ODF2L: variants seen among roughly 807,000 people sequenced by gnomAD.
ODF2L encodes the protein outer dense fiber of sperm tails 2 like.
In ODF2L, 76 loss-of-function variants were observed where a neutral mutation model predicts 86.3. That is an observed-to-expected ratio of 0.88 (90% CI 0.73 to 1.07). The LOEUF is 1.07. Ranked by LOEUF, ODF2L falls within the 50% of genes least tolerant of loss-of-function variation. The probability of loss-of-function intolerance (pLI) is 0.00; values close to 1 mark genes in which losing one functional copy is unlikely to be tolerated. For synonymous variants in ODF2L, 241 were observed against 231.3 expected (o/e 1.04, Z -0.38); for missense variants, 748 against 717.4 (o/e 1.04, Z -0.49).
intron 4 of ODF2L, among the ~76,000 whole-genome samples, chr1:86,384,295 T>G: frequency 6.6e-6 from 1 of 151,914 alleles, no homozygotes; most frequent in African/African-American, 2.4e-5. Flanking sequence ...TGAAAACCAC[T>G]GAATTTTATA....
intron 11 of ODF2L, among the ~76,000 whole-genome samples, chr1:86,364,582 G>A (rs985556135): frequency 4.6e-5 from 7 of 152,176 alleles, no homozygotes; most frequent in Admixed American, 3.9e-4. Context: ...CTAGGCAGGG[G>A]TCAAGTGCCT....
chr1:86,383,944 T>C (rs1302698889), intron 4 of ODF2L, among the ~76,000 whole-genome samples: 2 of 151,798 alleles, frequency 1.3e-5, no homozygotes, highest in Non-Finnish European at 1.5e-5. Flanking sequence ...ACACCACGTA[T>C]ATATGCACAC....
intron 1 of ODF2L, among the ~76,000 whole-genome samples, chr1:86,391,896 A>G (rs1661357579): frequency 6.6e-6 from 1 of 152,236 alleles, no homozygotes; most frequent in Admixed American, 6.5e-5. Context: ...AGGAATAGTC[A>G]GCAGACTAAA....
chr1:86,372,532 C>T, exon 9 of ODF2L: 1 of 1,496,376 alleles, frequency 6.7e-7, no homozygotes, highest in South Asian at 1.4e-5. Context: ...TTTCAGACAA[C>T]TTGGCTTCCT....
chr1:86,381,731 T>C (rs904043079), intron 7 of ODF2L, among the ~76,000 whole-genome samples: 1 of 152,146 alleles, frequency 6.6e-6, no homozygotes, highest in Non-Finnish European at 1.5e-5. Flanking sequence ...ATTATACTCC[T>C]ACAAAGTTGT....
intron 16 of ODF2L, among the ~76,000 whole-genome samples, chr1:86,354,194 T>G (rs1173776080): frequency 6.6e-6 from 1 of 152,244 alleles, no homozygotes; most frequent in Non-Finnish European, 1.5e-5. Context: ...ACTTGAACTT[T>G]ACAGCTCACT....
At chr1:86,382,320 T>C (rs1167014139) in exon 7 of ODF2L, 1 of 1,612,344 alleles carries the variant, frequency 6.2e-7, no homozygotes, top group Non-Finnish European at 8.5e-7. Flanking sequence ...GTACTACTTT[T>C]ACTGATTGGG....
At chr1:86,371,527 T>C (rs1476984121) in intron 9 of ODF2L, among the ~76,000 whole-genome samples, 1 of 152,120 alleles carries the variant, frequency 6.6e-6, no homozygotes, top group Non-Finnish European at 1.5e-5. Context: ...AAGAATTAAG[T>C]GAGGCAATAA....
In ODF2L at chr1:86,360,554, G is replaced by T; in HGVS notation, c.1144-18C>A. 8.6e-7 allele frequency: 1 copy of T among 1,156,248 alleles called. No homozygotes were observed. The highest frequency in any genetic ancestry group is 1.3e-5 in the South Asian group (1 of 75,280). 71.6% of individuals were successfully genotyped at this position (1,156,248 alleles called of 1,614,324 possible). The stretch of plus-strand genomic sequence containing the variant: ...AGTGTAGTCTAGCAAAAAAGATATA[G>T]ATTTTATAAGTCATTAGAATACATT... On this transcript the variant is annotated intron_variant, in intron 11 of 17. Coordinates refer to ENST00000317336, the Ensembl canonical transcript of ODF2L.
intron 7 of ODF2L, among the ~76,000 whole-genome samples, chr1:86,377,299 T>C (rs1357478686): frequency 6.6e-6 from 1 of 152,202 alleles, no homozygotes; most frequent in African/African-American, 2.4e-5. Context: ...TCCAGCCTTA[T>C]GGCCTGCAGG....
At chr1:86,394,840 C>CTT (rs33996151) in intron 1 of ODF2L, among the ~76,000 whole-genome samples, 74,891 of 129,028 alleles carry the variant, frequency 0.58, 22,622 homozygotes, top group Non-Finnish European at 0.66. Flanking sequence ...TTTCTTTTTC[C>CTT]TTTTTTTTTT....
At chr1:86,366,407 C>T (rs1055790830) in intron 11 of ODF2L, among the ~76,000 whole-genome samples, 100 of 137,218 alleles carry the variant, frequency 7.3e-4, no homozygotes, top group African/African-American at 2.9e-3. Context: ...CACACACACA[C>T]ACACACACAC....
chr1:86,382,793 C>A, intron 6 of ODF2L, 138 bp downstream of exon 6: 2 of 616,698 alleles, frequency 3.2e-6, no homozygotes, highest in Non-Finnish European at 2.9e-6. Flanking sequence ...TAGGTAAAAC[C>A]TGTAAAATAT....
chr1:86,349,820 C>T (rs1224828712), downstream of ODF2L: 1 of 152,118 alleles, frequency 6.6e-6, no homozygotes, highest in Non-Finnish European at 1.5e-5. Flanking sequence ...CATTCTGCAC[C>T]ACCCTATTAG....
chr1:86,353,432 A>T (rs1391419218), intron 16 of ODF2L, among the ~76,000 whole-genome samples: 1 of 152,174 alleles, frequency 6.6e-6, no homozygotes, highest in East Asian at 1.9e-4. Context: ...ACACACACAA[A>T]CACAGAGACT....
At chr1:86,383,615 T>A (rs1312197776) in intron 4 of ODF2L, among the ~76,000 whole-genome samples, 6 of 151,796 alleles carry the variant, frequency 4.0e-5, no homozygotes, top group African/African-American at 1.4e-4. Flanking sequence ...TATATAGCCA[T>A]TTTAAATGAG....
intron 17 of ODF2L, 51 bp downstream of exon 16, chr1:86,352,808 A>C: frequency 8.9e-7 from 1 of 1,126,946 alleles, no homozygotes; most frequent in South Asian, 1.6e-5. Flanking sequence ...CTACATGGTA[A>C]GAATGTTAAA....
intron 1 of ODF2L, among the ~76,000 whole-genome samples, chr1:86,389,444 A>G (rs2101525024): frequency 6.6e-6 from 1 of 152,302 alleles, no homozygotes; most frequent in South Asian, 2.1e-4. Context: ...AAAGTCTGAA[A>G]GAACACAAAC....
intron 2 of ODF2L, 193 bp from the exon 3 acceptor site, chr1:86,385,783 G>A (rs542104317): frequency 9.0e-5 from 38 of 421,838 alleles, no homozygotes; most frequent in African/African-American, 2.4e-4. Flanking sequence ...TTACTTGTAC[G>A]TAATCACAAA....
Sources: allele counts gnomAD v4.1 joint callset (sites outside exome capture counted in the v4.1 genomes callset), GRCh38; gene constraint gnomAD v4.1.1; transcripts MANE v1.5; gene names NCBI Gene and HGNC (gene_info 2026-07-23, HGNC 2026-07-21).